TNR: variants seen among roughly 807,000 people sequenced by gnomAD.
TNR encodes tenascin-R.
Under a neutral mutation model 150.4 loss-of-function variants are expected in TNR, and 45 were observed. That is an observed-to-expected ratio of 0.30 (90% CI 0.24 to 0.38). TNR has a LOEUF of 0.38. TNR is among the 10% of genes least tolerant of loss of function. The probability of loss-of-function intolerance (pLI) is 1.00; values close to 1 mark genes in which losing one functional copy is unlikely to be tolerated. For missense variants in TNR, 1,544 were observed against 1,759.1 expected (o/e 0.88, Z 2.19); for synonymous variants, 687 against 678.4 (o/e 1.01, Z -0.20).
chr1:175,726,361 G>T (rs887697299), intron 1 of TNR, among the ~76,000 whole-genome samples: 1 of 152,210 alleles, frequency 6.6e-6, no homozygotes, highest in Non-Finnish European at 1.5e-5. Context: ...GGAAGTCCAG[G>T]TTGCTGCTGA....
chr1:175,640,067 C>T (rs574678886), intron 1 of TNR, among the ~76,000 whole-genome samples: 5 of 152,312 alleles, frequency 3.3e-5, no homozygotes, highest in African/African-American at 1.2e-4. Flanking sequence ...TATTTGTTGC[C>T]TGAATGAATA....
rs1368417612 is a variant in TNR at position 175,316,674 on chromosome 1, C to T, written c.*6683G>A. 1.3e-5 allele frequency: 2 copies of T among 151,872 alleles called. No homozygotes were observed. The highest frequency in any genetic ancestry group is 2.9e-5 in the Non-Finnish European group (2 of 67,956). 9.4% of individuals were successfully genotyped at this position (151,872 alleles called of 1,614,324 possible). A position where few individuals can be genotyped will look rare whatever the true frequency, so the allele number is the denominator to read the frequency against. On this transcript the variant is annotated 3_prime_UTR_variant, in exon 23 of 23. Transcript: ENST00000367674. ...CCCACTCTTCTAATGTTGGGATGTT[C>T]CCAAAAGAGTGGGGTGGGGGGTATT...
At chr1:175,530,539 AC>A (rs1282982826) in intron 1 of TNR, among the ~76,000 whole-genome samples, 4 of 152,094 alleles carry the variant, frequency 2.6e-5, no homozygotes, top group Non-Finnish European at 5.9e-5. Context: ...GCTCATTTAA[AC>A]CTAATTATGC....
chr1:175,388,779 T>A (rs2102033017), intron 7 of TNR, among the ~76,000 whole-genome samples: 2 of 152,350 alleles, frequency 1.3e-5, no homozygotes, highest in Middle Eastern at 6.8e-3. Flanking sequence ...TAAGGACATT[T>A]TTTCTTAAAT....
At chr1:175,718,550 A>G (rs1296723134) in intron 1 of TNR, among the ~76,000 whole-genome samples, 3 of 152,220 alleles carry the variant, frequency 2.0e-5, no homozygotes, top group Non-Finnish European at 4.4e-5. Context: ...AGGCCTAGGC[A>G]GTTTAGTAGG....
At chr1:175,704,998 G>A (rs1469642154) in intron 1 of TNR, among the ~76,000 whole-genome samples, 1 of 152,166 alleles carries the variant, frequency 6.6e-6, no homozygotes, top group African/African-American at 2.4e-5. Context: ...ATGCAAAGAA[G>A]ATAATGGAGG....
At chr1:175,699,133 G>C (rs773402562) in intron 1 of TNR, among the ~76,000 whole-genome samples, 2 of 152,100 alleles carry the variant, frequency 1.3e-5, no homozygotes, top group African/African-American at 4.8e-5. Context: ...AGCCAGCAGG[G>C]TTTGCTAATG....
chr1:175,476,349 G>A (rs1374932990), intron 2 of TNR, among the ~76,000 whole-genome samples: 2 of 152,156 alleles, frequency 1.3e-5, no homozygotes, highest in African/African-American at 4.8e-5. Flanking sequence ...GTGATGTATG[G>A]CAAAAGTACT....
At chr1:175,633,759 A>G (rs1269620644) in intron 1 of TNR, among the ~76,000 whole-genome samples, 1 of 152,172 alleles carries the variant, frequency 6.6e-6, no homozygotes, top group Non-Finnish European at 1.5e-5. Context: ...ATGCTTGCTT[A>G]TGCTCCAATC....
At chr1:175,585,086 G>A (rs1662514241) in intron 1 of TNR, among the ~76,000 whole-genome samples, 1 of 152,126 alleles carries the variant, frequency 6.6e-6, no homozygotes, top group South Asian at 2.1e-4. Flanking sequence ...CACATTCTGA[G>A]GCCTTAACTC....
intron 2 of TNR, among the ~76,000 whole-genome samples, chr1:175,446,711 C>T (rs1004322071): frequency 2.0e-5 from 3 of 152,080 alleles, no homozygotes; most frequent in African/African-American, 7.2e-5. Context: ...AAAAAAATCT[C>T]GTTCTTGGTG....
chr1:175,396,830 T>G, intron 4 of TNR, 23 bp from the exon 5 acceptor site: 1 of 1,604,064 alleles, frequency 6.2e-7, no homozygotes, highest in Non-Finnish European at 8.5e-7. Context: ...AATACACAGA[T>G]AGCATGAGCT....
intron 1 of TNR, among the ~76,000 whole-genome samples, chr1:175,547,228 C>T (rs1000741466): frequency 6.6e-6 from 1 of 152,208 alleles, no homozygotes; most frequent in Non-Finnish European, 1.5e-5. Flanking sequence ...ATATCAGCAT[C>T]TCTGCCCCAG....
intron 1 of TNR, among the ~76,000 whole-genome samples, chr1:175,638,321 C>T (rs567903439): frequency 6.6e-6 from 1 of 152,328 alleles, no homozygotes; most frequent in East Asian, 1.9e-4. Flanking sequence ...CACTCTTGGG[C>T]AGGGTACAAG....
At chr1:175,331,046 T>TTTCTTCC (rs1649772093) in intron 20 of TNR, among the ~76,000 whole-genome samples, 1 of 82,898 alleles carries the variant, frequency 1.2e-5, no homozygotes, top group Non-Finnish European at 2.5e-5. Flanking sequence ...TCTTTCTTTC[T>TTTCTTCC]TTCTTTCTTT....
At chr1:175,693,721 T>C (rs945793093) in intron 1 of TNR, among the ~76,000 whole-genome samples, 1 of 152,206 alleles carries the variant, frequency 6.6e-6, no homozygotes, top group African/African-American at 2.4e-5. Flanking sequence ...CCCAACACCC[T>C]GAATGCGCCC....
chr1:175,652,142 A>G (rs1303002485), intron 1 of TNR, among the ~76,000 whole-genome samples: 1 of 147,930 alleles, frequency 6.8e-6, no homozygotes. Flanking sequence ...TATATATTAT[A>G]CTTTATATAA....
intron 1 of TNR, among the ~76,000 whole-genome samples, chr1:175,729,692 A>G (rs936105058): frequency 2.0e-5 from 3 of 151,952 alleles, no homozygotes; most frequent in Non-Finnish European, 1.5e-5. Context: ...TATATTACCA[A>G]TTTGAGTGGT....
chr1:175,477,302 C>T lies in TNR; in HGVS notation c.-64+50967G>A, dbSNP rs74127307. ...ATATGCCATTTTCATATGTTCCACA[C>T]ATACTCAGAGGAACCTGCGTAGAAT... On this transcript the variant is annotated intron_variant, in intron 2 of 22. Transcript: ENST00000367674. Among the ~76,000 whole-genome samples, 535 of 152,302 alleles carry T rather than the reference C, an allele frequency of 3.5e-3. 1 individual carries two copies. The highest frequency in any genetic ancestry group is 0.012 in the African/African-American group (513 of 41,576).
Sources: gnomAD v4.1 joint callset for allele counts (sites outside exome capture counted in the v4.1 genomes callset) on GRCh38, gnomAD v4.1.1 for gene constraint, MANE v1.5 for transcripts, NCBI Gene and HGNC (gene_info 2026-07-23, HGNC 2026-07-21) for gene names.